The following GADL1 variants were observed in gnomAD, a reference collection of about 807,000 sequenced individuals.
GADL1 encodes GAD like acidic amino acid decarboxylase 1.
GADL1 carries 71 observed loss-of-function variants against 69.5 expected under a neutral mutation model. The ratio of observed to expected loss-of-function variants is 1.02; its 90% CI spans 0.84 to 1.25. The LOEUF is 1.25. Ranked by LOEUF, GADL1 falls within the 50% of genes most tolerant of loss-of-function variation. The pLI is 0.00. For synonymous variants in GADL1, 254 were observed against 214.4 expected (o/e 1.18, Z -1.62); for missense variants, 737 against 631.8 (o/e 1.17, Z -1.79).
At chr3:30,867,768 C>T (rs996541842) in intron 1 of GADL1, among the ~76,000 whole-genome samples, 1 of 151,796 alleles carries the variant, frequency 6.6e-6, no homozygotes, top group Non-Finnish European at 1.5e-5. Flanking sequence ...GACAGCAAGA[C>T]GAATTACTGT....
intron 1 of GADL1, 37 bp downstream of exon 1, chr3:30,894,541 G>T: frequency 6.5e-7 from 1 of 1,533,110 alleles, no homozygotes; most frequent in Non-Finnish European, 8.8e-7. Context: ...GACAGGGGAG[G>T]TTAAGGACAA....
intron 1 of GADL1, among the ~76,000 whole-genome samples, chr3:30,863,339 T>C (rs961551140): frequency 5.3e-5 from 8 of 151,986 alleles, no homozygotes; most frequent in African/African-American, 1.9e-4. Context: ...CTTTAAACTT[T>C]TCAACCTTGC....
At chr3:30,884,381 T>C (rs1698677958) in intron 1 of GADL1, among the ~76,000 whole-genome samples, 1 of 151,948 alleles carries the variant, frequency 6.6e-6, no homozygotes, top group East Asian at 1.9e-4. Flanking sequence ...CCTGTGCAAG[T>C]CTGCAGCACC....
rs998116742 is a variant in GADL1 at position 30,726,803 on chromosome 3, T to C, written c.*1439A>G. On this transcript the variant is annotated 3_prime_UTR_variant, in exon 15 of 15. Transcript: ENST00000282538. ...ACACCTATGAATTCTGTCAATTTCTTAGTTAAACAAAACTCTCCTAGAAAC... is the reference window on the plus strand; with the variant it reads ...ACACCTATGAATTCTGTCAATTTCTCAGTTAAACAAAACTCTCCTAGAAAC... The C allele has an allele frequency of 2.6e-5, 4 of 152,312 alleles. No homozygotes were observed. Among genetic ancestry groups the C allele is most frequent in the Non-Finnish European group, 4.4e-5 (3 of 68,012 alleles). 9.4% of individuals were successfully genotyped at this position (152,312 alleles called of 1,614,324 possible).
chr3:30,889,928 T>C (rs1443695997), intron 1 of GADL1, among the ~76,000 whole-genome samples: 1 of 152,170 alleles, frequency 6.6e-6, no homozygotes, highest in Non-Finnish European at 1.5e-5. Context: ...ATATTCACAA[T>C]CCCATCTACC....
intron 14 of GADL1, among the ~76,000 whole-genome samples, chr3:30,748,753 G>A (rs1373834482): frequency 6.6e-6 from 1 of 152,178 alleles, no homozygotes; most frequent in Admixed American, 6.6e-5. Context: ...ACTAGAGGTG[G>A]CAGCTAGAAT....
intron 1 of GADL1, among the ~76,000 whole-genome samples, chr3:30,878,128 A>T: frequency 6.6e-6 from 1 of 151,956 alleles, no homozygotes; most frequent in South Asian, 2.1e-4. Context: ...GCCCCCAAGT[A>T]GCTCTGTGGC....
intron 1 of GADL1, among the ~76,000 whole-genome samples, chr3:30,870,981 G>A (rs1698472382): frequency 6.6e-6 from 1 of 151,294 alleles, no homozygotes; most frequent in Non-Finnish European, 1.5e-5. Context: ...TGATGACATA[G>A]AGACAAGATT....
Position 30,834,255 on chromosome 3 carries a change from C to T in GADL1, c.930G>A (p.Met310Ile). 3 of 1,612,882 alleles carry T rather than the reference C, an allele frequency of 1.9e-6. No individual in the cohort carries two copies. The highest frequency in any genetic ancestry group is 2.5e-6 in the Non-Finnish European group (3 of 1,179,212). Reference protein sequence around the residue: ...VDASWGGSALMSRKHRKLLHG... With the variant: ...VDASWGGSALISRKHRKLLHG... ...GCAGAAGCTTGCGGTGCTTCCTCGACATCAAAGCTGAGCCACCCCAAGAAG... is the reference window on the plus strand; with the variant it reads ...GCAGAAGCTTGCGGTGCTTCCTCGATATCAAAGCTGAGCCACCCCAAGAAG... The change falls in exon 10 of 15, where the codon ATG becomes ATA. Residue 310 changes from methionine (M) to isoleucine (I), a missense_variant. Physicochemically the swap from Met to Ile is conservative, Grantham distance 10. Transcript: ENST00000282538.
intron 14 of GADL1, among the ~76,000 whole-genome samples, chr3:30,732,703 A>T (rs1695476093): frequency 6.6e-6 from 1 of 152,180 alleles, no homozygotes; most frequent in African/African-American, 2.4e-5. Flanking sequence ...ATAAAATGAC[A>T]TTTCTTTTTA....
intron 2 of GADL1, 77 bp downstream of exon 2, chr3:30,861,516 T>TTTC (rs1698320343): frequency 1.8e-6 from 2 of 1,089,178 alleles, no homozygotes; most frequent in African/African-American, 3.2e-5. Flanking sequence ...TCCCATTTGC[T>TTTC]TTCTATTCAG....
At position 30,748,020 on chromosome 3, in the gene GADL1, CA is replaced by C. The variant is rs1156408846; in HGVS notation, c.1393-19606del. On this transcript the variant is annotated intron_variant, in intron 14 of 14. Coordinates refer to ENST00000282538, the MANE Select transcript of GADL1 (RefSeq NM_207359.3). ...CCCAAATATTTACAAGTACAGCCTA[CA>C]AAAAAATTCAACAGCATGCAAACTT... Among the ~76,000 whole-genome samples the C allele has an allele frequency of 2.6e-5, 4 of 151,548 alleles. No individual in the cohort carries two copies. In the East Asian group the frequency reaches 7.7e-4, roughly 29 times the overall value.
chr3:30,859,954 A>AT (rs1387038615), intron 2 of GADL1, among the ~76,000 whole-genome samples: 2 of 151,874 alleles, frequency 1.3e-5, no homozygotes, highest in African/African-American at 4.8e-5. Flanking sequence ...TTCTCATCTT[A>AT]TTAGTCCCCT....
intron 11 of GADL1, among the ~76,000 whole-genome samples, chr3:30,821,807 C>G (rs1485884218): frequency 6.6e-6 from 1 of 151,524 alleles, no homozygotes; most frequent in Non-Finnish European, 1.5e-5. Flanking sequence ...ATGATTACAG[C>G]AAGGTGGACT....
chr3:30,856,010 T>C (rs1046764604), intron 3 of GADL1, among the ~76,000 whole-genome samples: 8 of 151,896 alleles, frequency 5.3e-5, no homozygotes, highest in Admixed American at 3.3e-4. Context: ...TTGATTTCCA[T>C]GGTAACATGG....
At chr3:30,848,539 C>T (rs776570421) in intron 6 of GADL1, among the ~76,000 whole-genome samples, 5 of 145,406 alleles carry the variant, frequency 3.4e-5, no homozygotes, top group Non-Finnish European at 6.0e-5. Flanking sequence ...ATGTTAGTGG[C>T]AGGATACCTG....
intron 1 of GADL1, among the ~76,000 whole-genome samples, chr3:30,871,589 A>C (rs945362270): frequency 6.6e-5 from 10 of 151,900 alleles, no homozygotes; most frequent in African/African-American, 2.4e-4. Flanking sequence ...CACTCTGTGC[A>C]TCAGCACCTT....
intron 14 of GADL1, among the ~76,000 whole-genome samples, chr3:30,742,034 G>T (rs573681469): frequency 6.6e-6 from 1 of 152,262 alleles, no homozygotes; most frequent in East Asian, 1.9e-4. Flanking sequence ...TCCAAATGAG[G>T]TCCCAGCTAA....
At chr3:30,772,027 G>T (rs576576394) in intron 14 of GADL1, among the ~76,000 whole-genome samples, 2 of 150,876 alleles carry the variant, frequency 1.3e-5, no homozygotes, top group Non-Finnish European at 3.0e-5. Context: ...AGGTTTCCAC[G>T]GAAGCACATC....
Sources: allele counts gnomAD v4.1 joint callset (sites outside exome capture counted in the v4.1 genomes callset), GRCh38; gene constraint gnomAD v4.1.1; transcripts MANE v1.5; gene names NCBI Gene and HGNC (gene_info 2026-07-23, HGNC 2026-07-21).